Variants in ZNF595 observed in about 807,000 individuals in gnomAD.
The protein encoded by ZNF595 is zinc finger protein 595.
Under a neutral mutation model 19.4 loss-of-function variants are expected in ZNF595, and 9 were observed. The ratio of observed to expected loss-of-function variants is 0.46; its 90% CI spans 0.28 to 0.81. ZNF595 has a LOEUF of 0.81. Ranked by LOEUF, ZNF595 falls within the 30% of genes least tolerant of loss-of-function variation. The probability of loss-of-function intolerance (pLI) is 0.11; values close to 1 mark genes in which losing one functional copy is unlikely to be tolerated. For synonymous variants in ZNF595, 255 were observed against 255.9 expected (o/e 1.00, Z 0.03); for missense variants, 729 against 736.0 (o/e 0.99, Z 0.11).
intron 3 of ZNF595, among the ~76,000 whole-genome samples, chr4:66,259 T>G (rs1182496725): frequency 2.1e-5 from 3 of 143,948 alleles, no homozygotes; most frequent in African/African-American, 8.6e-5. Context: ...AGATTAGAAT[T>G]TTTTTTCAAT....
At chr4:69,432 A>C (rs1553797541) in intron 3 of ZNF595, among the ~76,000 whole-genome samples, 1 of 152,176 alleles carries the variant, frequency 6.6e-6, no homozygotes, top group Admixed American at 6.5e-5. Context: ...GATAAGAGCC[A>C]TTGTAACTGG....
chr4:75,128 A>G (rs988224456), intron 3 of ZNF595, among the ~76,000 whole-genome samples: 3 of 151,922 alleles, frequency 2.0e-5, no homozygotes, highest in Admixed American at 6.6e-5. Context: ...TCCTTGGACT[A>G]TTAACGTATG....
intron 3 of ZNF595, among the ~76,000 whole-genome samples, chr4:74,649 C>T (rs1468528019): frequency 1.1e-4 from 16 of 152,236 alleles, no homozygotes; most frequent in East Asian, 1.9e-4. Flanking sequence ...TACATTGATT[C>T]GGTCTGGAAA....
At chr4:85,701 G>T in intron 3 of ZNF595, 30 bp from the exon 4 acceptor site, 1 of 1,523,212 alleles carries the variant, frequency 6.6e-7, no homozygotes, top group South Asian at 1.3e-5. Flanking sequence ...TCTAGTAAGT[G>T]GGATAATTTG....
intron 3 of ZNF595, among the ~76,000 whole-genome samples, chr4:85,025 TAC>T (rs1372855857): frequency 6.6e-6 from 1 of 152,252 alleles, no homozygotes; most frequent in African/African-American, 2.4e-5. Context: ...TCACAATCTT[TAC>T]AGTGTTGCCT....
intron 3 of ZNF595, among the ~76,000 whole-genome samples, chr4:83,878 T>C (rs889136923): frequency 6.6e-6 from 1 of 151,878 alleles, no homozygotes; most frequent in Non-Finnish European, 1.5e-5. Context: ...TTACTTCTTA[T>C]TTTATTCATG....
Position 86,237 on chromosome 4 carries a change from G to A in ZNF595, c.733G>A (p.Glu245Lys), listed in dbSNP as rs782373036. Reference sequence around the variant, plus strand: ...CTTTAGACGGTCCACAGTTCTGAACGAACATAAGAAAATTCATACTGGAGA... The same window carrying A: ...CTTTAGACGGTCCACAGTTCTGAACAAACATAAGAAAATTCATACTGGAGA... ...KAFRRSTVLN[E>K]HKKIHTGEKP... is the part of the protein sequence containing the mutation. Residue 245 changes from glutamate to lysine, a missense_variant, in exon 4 of 4, where the codon GAA becomes AAA. Glu to Lys is a moderately conservative substitution (Grantham distance 56). Transcript: ENST00000610261. The A allele has an allele frequency of 7.5e-6, 12 of 1,608,786 alleles. No individual in the cohort carries two copies. Among genetic ancestry groups the A allele is most frequent in the South Asian group, 5.5e-5 (5 of 90,840 alleles).
chr4:79,188 A>G (rs1448923089), intron 3 of ZNF595, among the ~76,000 whole-genome samples: 5 of 152,080 alleles, frequency 3.3e-5, no homozygotes, highest in Admixed American at 6.6e-5. Context: ...TCTCAGTGTA[A>G]TTATATAATG....
chr4:76,083 A>G (rs1354029606), intron 3 of ZNF595, among the ~76,000 whole-genome samples: 5 of 152,044 alleles, frequency 3.3e-5, no homozygotes, highest in Non-Finnish European at 7.4e-5. Flanking sequence ...TTGTAGAGAT[A>G]GGGTTTTGCC....
rs530307070 is a variant in ZNF595 at position 87,334 on chromosome 4, T to C, written c.1830T>C (p.His610=). The C allele has an allele frequency of 3.7e-6, 6 of 1,613,120 alleles. No individual in the cohort carries two copies. The African/African-American group carries it at 8.0e-5, about 22-fold the overall frequency. ...ATTGGTCCTCATCCCTTACTAAACA[T>C]AAGATAATTCATACTGGAGAGAAAT... ...AFNWSSSLTK[H]KIIHTGEKSY... The change falls in exon 4 of 4, where the codon CAT becomes CAC. Residue 610 remains histidine (H), a synonymous_variant. Coordinates refer to ENST00000610261, the MANE Select transcript of ZNF595 (RefSeq NM_182524.4).
chr4:64,384 T>C (rs1225816260), intron 3 of ZNF595, among the ~76,000 whole-genome samples: 133 of 151,412 alleles, frequency 8.8e-4, no homozygotes, highest in African/African-American at 3.0e-3. Flanking sequence ...CATTTCCATA[T>C]AGTAACAACA....
intron 3 of ZNF595, among the ~76,000 whole-genome samples, chr4:74,580 A>G (rs139959875): frequency 0.05 from 7,617 of 152,288 alleles, 267 homozygotes; most frequent in Non-Finnish European, 0.083. Flanking sequence ...TGGTCGGGGA[A>G]CAACTTAATT....
chr4:77,844 G>A (rs1553799026), intron 3 of ZNF595, among the ~76,000 whole-genome samples: 1 of 152,130 alleles, frequency 6.6e-6, no homozygotes, highest in African/African-American at 2.4e-5. Context: ...GGCTCCTGAT[G>A]TGTGGCTCTT....
At position 86,763 on chromosome 4, in the gene ZNF595, G is replaced by C. The variant is rs1553801734; in HGVS notation, c.1259G>C (p.Gly420Ala). 3 of 1,613,582 alleles carry C rather than the reference G, an allele frequency of 1.9e-6. No homozygotes were observed. The highest frequency in any genetic ancestry group is 1.1e-5 in the South Asian group (1 of 91,038). Residue 420 changes from glycine (G) to alanine (A), a missense_variant, in exon 4 of 4, where the codon GGA becomes GCA. Gly to Ala is a moderately conservative substitution (Grantham distance 60, BLOSUM62 0). This residue lies in a region of ZNF595 where 729 missense variants were observed against 675.3 expected (regional missense o/e 1.08). Transcript: ENST00000610261. ...GCTAAACATAAGAGAATTCATACTGGAGAGAAACCCTACACGTGCGAAGAA... is the reference window on the plus strand; with the variant it reads ...GCTAAACATAAGAGAATTCATACTGCAGAGAAACCCTACACGTGCGAAGAA... ...HLAKHKRIHT[G>A]EKPYTCEECG...
chr4:83,090 C>G (rs1299348176), intron 3 of ZNF595, among the ~76,000 whole-genome samples: 1 of 152,090 alleles, frequency 6.6e-6, no homozygotes, highest in Admixed American at 6.6e-5. Context: ...TGTATATACA[C>G]ACATTTTTCA....
At chr4:70,166 A>G (rs1713367933) in intron 3 of ZNF595, among the ~76,000 whole-genome samples, 1 of 152,116 alleles carries the variant, frequency 6.6e-6, no homozygotes, top group Non-Finnish European at 1.5e-5. Flanking sequence ...ACGGTAGATA[A>G]TTATCTTTAA....
chr4:77,829 G>A (rs1581381185), intron 3 of ZNF595, among the ~76,000 whole-genome samples: 1 of 152,146 alleles, frequency 6.6e-6, no homozygotes, highest in African/African-American at 2.4e-5. Flanking sequence ...AATGTGAGCA[G>A]GTGTGGCTCC....
At chr4:68,774 C>A (rs1436841506) in intron 3 of ZNF595, among the ~76,000 whole-genome samples, 1 of 152,140 alleles carries the variant, frequency 6.6e-6, no homozygotes. Context: ...TAATAACATT[C>A]TTTTAGTTAC....
In ZNF595 at chr4:85,931, A is replaced by G; in HGVS notation, c.427A>G (p.Lys143Glu). The change falls in exon 4 of 4, where the codon AAA becomes GAA. Residue 143 changes from lysine (K) to glutamate (E), a missense_variant. By Grantham distance (56) the Lys-to-Glu change is moderately conservative. Transcript: ENST00000610261. ...VYQCLSTTQS[K>E]IFQCNTCVKV... is the part of the protein sequence containing the mutation. ...CCAGTGCTTGTCAACTACCCAGAGC[A>G]AAATATTTCAATGTAATACATGTGT... 1 of 1,613,528 alleles carries G rather than the reference A, an allele frequency of 6.2e-7. No individual in the cohort carries two copies.
Sources: gnomAD v4.1 joint callset for allele counts (sites outside exome capture counted in the v4.1 genomes callset) on GRCh38, gnomAD v4.1.1 for gene constraint, gnomAD v4.1.1 regional missense constraint, MANE v1.5 for transcripts, NCBI Gene and HGNC (gene_info 2026-07-23, HGNC 2026-07-21) for gene names.